PDLIM5: variants seen among roughly 807,000 people sequenced by gnomAD.
The protein encoded by PDLIM5 is PDZ and LIM domain protein 5.
PDLIM5 carries 34 observed loss-of-function variants against 64.2 expected under a neutral mutation model. That is an observed-to-expected ratio of 0.53 (90% CI 0.40 to 0.71). The LOEUF (loss-of-function observed/expected upper bound fraction) is 0.71. Among genes scored for constraint, PDLIM5 ranks in the 30% least tolerant of loss-of-function variants. The probability of loss-of-function intolerance (pLI) is 0.00; values close to 1 mark genes in which losing one functional copy is unlikely to be tolerated. For missense variants in PDLIM5, 683 were observed against 733.6 expected, an observed-to-expected ratio of 0.93 and a Z score of 0.80; for synonymous variants, 253 against 269.1, an observed-to-expected ratio of 0.94 and a Z score of 0.59.
intron 5 of PDLIM5, among the ~76,000 whole-genome samples, chr4:94,576,974 A>G (rs530202432): frequency 1.6e-4 from 25 of 152,286 alleles, no homozygotes; most frequent in Middle Eastern, 3.4e-3. Context: ...GAGGTTATGT[A>G]CAGTATCTTT....
chr4:94,636,360 C>T (rs766986861), intron 8 of PDLIM5, among the ~76,000 whole-genome samples: 13 of 151,324 alleles, frequency 8.6e-5, no homozygotes, highest in Non-Finnish European at 1.6e-4. Context: ...TATTTGAAAT[C>T]CTGAACCTAA....
At chr4:94,643,072 T>TA (rs1741133748) in intron 9 of PDLIM5, among the ~76,000 whole-genome samples, 2 of 152,302 alleles carry the variant, frequency 1.3e-5, no homozygotes, top group Middle Eastern at 3.4e-3. Flanking sequence ...ATTTATTTTT[T>TA]TTTTTTCAGC....
At position 94,508,466 on chromosome 4, in the gene PDLIM5, G is replaced by T. The variant is rs114809396; in HGVS notation, c.97-15258G>T. 5.3e-3 allele frequency among the ~76,000 whole-genome samples: 807 copies of T among 152,274 alleles called. 5 individuals carry two copies. Among genetic ancestry groups the T allele is most frequent in the African/African-American group, 0.018 (748 of 41,548 alleles). On this transcript the variant is annotated intron_variant, in intron 2 of 12. Transcript: ENST00000317968. The stretch of plus-strand genomic sequence containing the variant: ...TGGCTCCTTGGGTCAAGTGTTGATG[G>T]GCCTTGGTTTTGAAAGGCTACAGCT...
chr4:94,456,812 A>G, intron 2 of PDLIM5: 1 of 1,153,180 alleles, frequency 8.7e-7, no homozygotes, highest in Non-Finnish European at 1.1e-6. Flanking sequence ...CAGTCTTACC[A>G]ACAAACTTGG....
chr4:94,474,557 C>T (rs1357917913), intron 2 of PDLIM5, among the ~76,000 whole-genome samples: 1 of 152,180 alleles, frequency 6.6e-6, no homozygotes, highest in Non-Finnish European at 1.5e-5. Context: ...GGCCCATTTA[C>T]ACCTTTTGAA....
At chr4:94,473,393 C>T (rs1334185702) in intron 2 of PDLIM5, among the ~76,000 whole-genome samples, 1 of 152,146 alleles carries the variant, frequency 6.6e-6, no homozygotes, top group African/African-American at 2.4e-5. Context: ...TCCCAAGTAG[C>T]TGGGATTAAA....
intron 1 of PDLIM5, among the ~76,000 whole-genome samples, chr4:94,452,758 G>T (rs1239698376): frequency 1.3e-5 from 2 of 152,094 alleles, no homozygotes; most frequent in South Asian, 2.1e-4. Flanking sequence ...GGGTGTGATC[G>T]CCAGATCCTA....
At chr4:94,663,683 A>G (rs1236724237) in intron 12 of PDLIM5, among the ~76,000 whole-genome samples, 1 of 152,198 alleles carries the variant, frequency 6.6e-6, no homozygotes, top group East Asian at 1.9e-4. Flanking sequence ...CCCCCTTTCT[A>G]TATTGATTTT....
At chr4:94,587,720 T>A in intron 7 of PDLIM5, 17 of 984,750 alleles carry the variant, frequency 1.7e-5, no homozygotes, top group Non-Finnish European at 2.0e-5. Context: ...TTACCCCTAT[T>A]TGCAATGGAG....
chr4:94,501,572 G>C (rs938560975), intron 2 of PDLIM5, among the ~76,000 whole-genome samples: 4 of 152,002 alleles, frequency 2.6e-5, no homozygotes, highest in Non-Finnish European at 4.4e-5. Flanking sequence ...AAGAATTTGG[G>C]GCCTGTATTT....
At chr4:94,556,711 A>G (rs528279757) in intron 3 of PDLIM5, among the ~76,000 whole-genome samples, 2 of 152,196 alleles carry the variant, frequency 1.3e-5, no homozygotes, top group South Asian at 2.1e-4. Context: ...TTATTTTGGA[A>G]CATGTCTGCT....
Position 94,591,829 on chromosome 4 carries a change from C to T in PDLIM5, c.920+5385C>T, listed in dbSNP as rs556286643. Among the ~76,000 whole-genome samples the T allele has an allele frequency of 8.5e-5, 13 of 152,350 alleles. No homozygotes were observed. In the South Asian group the frequency reaches 2.3e-3, roughly 27 times the overall value. On this transcript the variant is annotated intron_variant, in intron 7 of 12. Coordinates refer to ENST00000317968, the MANE Select transcript of PDLIM5 (RefSeq NM_006457.5). Reference sequence around the variant, plus strand: ...CTTAATAAGCATCCTGCATGCTAAGCGCTAAGCTCTGCTTTCTGGAGAACC... The same window carrying T: ...CTTAATAAGCATCCTGCATGCTAAGTGCTAAGCTCTGCTTTCTGGAGAACC...
In PDLIM5 at chr4:94,585,236, A is replaced by G. The variant is rs371839864; in HGVS notation, c.711-329A>G. Among the ~76,000 whole-genome samples, 1,263 of 152,122 alleles carry G rather than the reference A, an allele frequency of 8.3e-3. 11 individuals are homozygous for G. Among genetic ancestry groups the G allele is most frequent in the African/African-American group, 0.027 (1,114 of 41,498 alleles). On this transcript the variant is annotated intron_variant, in intron 5 of 12. Transcript: ENST00000317968. ...CTCCCCAGTAGCTGGGACTACAGGC[A>G]CGTGCCACCATTCCCAGCTAATTTT...
chr4:94,464,646 C>T (rs141015374), intron 2 of PDLIM5, among the ~76,000 whole-genome samples: 1 of 152,180 alleles, frequency 6.6e-6, no homozygotes, highest in Non-Finnish European at 1.5e-5. Context: ...AGCTAGCTAT[C>T]GTGTTACACA....
At chr4:94,607,054 T>C (rs956041884) in intron 7 of PDLIM5, among the ~76,000 whole-genome samples, 1 of 152,240 alleles carries the variant, frequency 6.6e-6, no homozygotes, top group South Asian at 2.1e-4. Flanking sequence ...GGTTCTTATA[T>C]TTCTTAGTCT....
At chr4:94,459,950 A>T (rs1723727706) in intron 2 of PDLIM5, among the ~76,000 whole-genome samples, 1 of 152,152 alleles carries the variant, frequency 6.6e-6, no homozygotes, top group African/African-American at 2.4e-5. Context: ...TTTCCCTCCT[A>T]CCGGAAGACA....
At position 94,610,238 on chromosome 4, in the gene PDLIM5, G is replaced by C. The variant is rs1738256147; in HGVS notation, c.921-7766G>C. The C allele has an allele frequency of 3.3e-6, 5 of 1,518,844 alleles. No homozygotes were observed. In the East Asian group the frequency reaches 1.2e-4, roughly 37 times the overall value. 94.1% of individuals were successfully genotyped at this position (1,518,844 alleles called of 1,614,324 possible). ...TTTTCTACCTTCTCTTCTCCTGCTA[G>C]ATATAGTGCTGCAGTTCTGAGCAGC... On this transcript the variant is annotated intron_variant, in intron 7 of 12. Coordinates refer to ENST00000317968, the MANE Select transcript of PDLIM5 (RefSeq NM_006457.5).
intron 8 of PDLIM5, among the ~76,000 whole-genome samples, chr4:94,630,218 C>G (rs1170286981): frequency 6.6e-6 from 1 of 152,062 alleles, no homozygotes; most frequent in Non-Finnish European, 1.5e-5. Flanking sequence ...TTTATACAAG[C>G]ACAACATTAG....
intron 7 of PDLIM5, chr4:94,588,100 G>C: frequency 3.2e-6 from 3 of 932,508 alleles, no homozygotes; most frequent in Non-Finnish European, 3.8e-6. Flanking sequence ...GTTTGGAAAA[G>C]TATTGTAATA....
Sources: gnomAD v4.1 joint callset for allele counts (sites outside exome capture counted in the v4.1 genomes callset) on GRCh38, gnomAD v4.1.1 for gene constraint, MANE v1.5 for transcripts, NCBI Gene and HGNC (gene_info 2026-07-23, HGNC 2026-07-21) for gene names.